The following DIAPH3 variants were observed in gnomAD, a reference collection of about 807,000 sequenced individuals.
The protein encoded by DIAPH3 is protein diaphanous homolog 3.
In DIAPH3, 117 loss-of-function variants were observed where a neutral mutation model predicts 144.3. The observed-to-expected ratio is 0.81, with a 90% CI of 0.70 to 0.95. The LOEUF is 0.95. Ranked by LOEUF, DIAPH3 falls within the 40% of genes least tolerant of loss-of-function variation. DIAPH3 has a pLI of 0.00. For missense variants in DIAPH3, 1,421 were observed against 1,412.7 expected, an observed-to-expected ratio of 1.01 and a Z score of -0.09; for synonymous variants, 519 against 488.9, an observed-to-expected ratio of 1.06 and a Z score of -0.81.
intron 27 of DIAPH3, among the ~76,000 whole-genome samples, chr13:59,762,304 C>A (rs940969737): frequency 1.3e-5 from 2 of 152,000 alleles, no homozygotes; most frequent in African/African-American, 4.8e-5. Flanking sequence ...TTGTGATCTG[C>A]CCGCCTCAGC....
chr13:59,902,422 G>A (rs2046490965), intron 20 of DIAPH3, among the ~76,000 whole-genome samples: 1 of 152,166 alleles, frequency 6.6e-6, no homozygotes, highest in South Asian at 2.1e-4. Context: ...CTTTCCCAGA[G>A]GCTGATGTTG....
intron 25 of DIAPH3, among the ~76,000 whole-genome samples, chr13:59,793,363 C>T (rs182231344): frequency 2.6e-5 from 4 of 152,278 alleles, no homozygotes; most frequent in African/African-American, 7.2e-5. Flanking sequence ...CTTTGTCCTC[C>T]CCTTTGACTT....
intron 24 of DIAPH3, among the ~76,000 whole-genome samples, chr13:59,830,985 A>C (rs1017017857): frequency 6.6e-6 from 1 of 151,818 alleles, no homozygotes; most frequent in African/African-American, 2.4e-5. Flanking sequence ...AATGTTTAAG[A>C]GTTAGGGCCC....
chr13:59,939,904 G>A (rs1293108424), intron 17 of DIAPH3, among the ~76,000 whole-genome samples: 1 of 151,192 alleles, frequency 6.6e-6, no homozygotes, highest in Non-Finnish European at 1.5e-5. Flanking sequence ...AAAATGGAGA[G>A]CTAAGCCAAG....
At chr13:60,118,426 C>G (rs1330205822) in intron 2 of DIAPH3, among the ~76,000 whole-genome samples, 1 of 152,146 alleles carries the variant, frequency 6.6e-6, no homozygotes, top group Non-Finnish European at 1.5e-5. Context: ...CATAAACATA[C>G]TTCATTAGAA....
intron 9 of DIAPH3, among the ~76,000 whole-genome samples, chr13:60,002,116 A>C (rs1391180560): frequency 7.2e-5 from 11 of 152,184 alleles, no homozygotes. Context: ...AAGATGAATC[A>C]AAAAATTTAA....
chr13:59,798,652 C>G (rs1422524521), intron 25 of DIAPH3, among the ~76,000 whole-genome samples: 1 of 152,164 alleles, frequency 6.6e-6, no homozygotes, highest in Non-Finnish European at 1.5e-5. Flanking sequence ...TCTCTCCCAC[C>G]CCAATGTGAG....
At chr13:59,851,554 C>G (rs2042970018) in intron 22 of DIAPH3, among the ~76,000 whole-genome samples, 1 of 150,930 alleles carries the variant, frequency 6.6e-6, no homozygotes, top group Non-Finnish European at 1.5e-5. Context: ...AAAGCAGAGG[C>G]TTTTGTTTTT....
intron 27 of DIAPH3, among the ~76,000 whole-genome samples, chr13:59,698,274 A>T (rs2033926097): frequency 6.6e-6 from 1 of 152,314 alleles, no homozygotes; most frequent in East Asian, 1.9e-4. Flanking sequence ...TGCTTGCCTG[A>T]TTACAATTTC....
intron 20 of DIAPH3, among the ~76,000 whole-genome samples, chr13:59,902,111 T>C (rs970983493): frequency 1.3e-5 from 2 of 152,228 alleles, no homozygotes; most frequent in Non-Finnish European, 2.9e-5. Flanking sequence ...AGTTACACAT[T>C]ATTTTGACTG....
chr13:59,751,296 A>T (rs909523115), intron 27 of DIAPH3, among the ~76,000 whole-genome samples: 3 of 152,218 alleles, frequency 2.0e-5, no homozygotes, highest in African/African-American at 7.2e-5. Context: ...TGGCACAAAG[A>T]TCTCTGCCAT....
intron 27 of DIAPH3, among the ~76,000 whole-genome samples, chr13:59,694,867 G>T (rs1406170724): frequency 2.0e-5 from 3 of 152,170 alleles, no homozygotes; most frequent in Middle Eastern, 3.4e-3. Flanking sequence ...TGCCAAATAG[G>T]TTATCAAGCA....
intron 5 of DIAPH3, 102 bp from the exon 6 acceptor site, chr13:60,016,247 T>A: frequency 9.6e-7 from 1 of 1,041,648 alleles, no homozygotes; most frequent in Non-Finnish European, 1.4e-6. Context: ...TTCCTAATCG[T>A]AACTAAAACA....
chr13:59,948,840 A>AGGAAG (rs1225737355), intron 17 of DIAPH3, among the ~76,000 whole-genome samples: 1 of 133,472 alleles, frequency 7.5e-6, no homozygotes, highest in Non-Finnish European at 1.6e-5. Flanking sequence ...ATAAAAAGAA[A>AGGAAG]GAAGGAAGGA....
At chr13:59,963,407 T>C (rs1020048344) in intron 17 of DIAPH3, among the ~76,000 whole-genome samples, 1 of 152,194 alleles carries the variant, frequency 6.6e-6, no homozygotes, top group Admixed American at 6.5e-5. Flanking sequence ...AACATCAAAA[T>C]GCTACATAGA....
chr13:59,757,392 CTTTTTTTTTTTTTTTTT>C, intron 27 of DIAPH3, among the ~76,000 whole-genome samples: 1 of 93,064 alleles, frequency 1.1e-5, no homozygotes, highest in East Asian at 3.0e-4. Context: ...ATGGGTCATC[CTTTTTTTTTTTTTTTTT>C]TTTTTTTTTG....
In DIAPH3 at chr13:60,111,964, C is replaced by A. The variant is rs1485861082; in HGVS notation, c.390+46G>T. 3 of 1,602,512 alleles carry A rather than the reference C, an allele frequency of 1.9e-6. No homozygotes were observed. In the Admixed American group the frequency reaches 5.0e-5, roughly 27 times the overall value. ...AGAGTTCCATTAACATGAGCAAAAG[C>A]TAAGGCTTTTTCCTCAAACATTTCC... On this transcript the variant is annotated intron_variant, in intron 3 of 27. Transcript: ENST00000400324.
chr13:59,713,286 C>T (rs372101054), intron 27 of DIAPH3, among the ~76,000 whole-genome samples: 1 of 151,814 alleles, frequency 6.6e-6, no homozygotes, highest in East Asian at 1.9e-4. Context: ...TCCCCAGGCC[C>T]GTCTTAAGCA....
At chr13:59,970,653 C>A (rs1024130233) in intron 16 of DIAPH3, among the ~76,000 whole-genome samples, 199 bp downstream of exon 16, 12 of 151,564 alleles carry the variant, frequency 7.9e-5, no homozygotes, top group African/African-American at 2.9e-4. Context: ...AAGTCTTAGT[C>A]AATATGAAAG....
Sources: allele counts gnomAD v4.1 joint callset (sites outside exome capture counted in the v4.1 genomes callset), GRCh38; gene constraint gnomAD v4.1.1; transcripts MANE v1.5; gene names NCBI Gene and HGNC (gene_info 2026-07-23, HGNC 2026-07-21).